CLCNKB: variants seen among roughly 807,000 people sequenced by gnomAD.
CLCNKB encodes chloride voltage-gated channel Kb.
Under a neutral mutation model 83.8 loss-of-function variants are expected in CLCNKB, and 74 were observed. That is an observed-to-expected ratio of 0.88 (90% CI 0.73 to 1.07). The LOEUF (loss-of-function observed/expected upper bound fraction) is 1.07, where lower values mean the gene tolerates loss of function less well. CLCNKB is among the 50% of genes least tolerant of loss of function. CLCNKB has a pLI of 0.00. For missense variants in CLCNKB, 798 were observed against 893.6 expected (o/e 0.89, Z 1.36); for synonymous variants, 358 against 356.6 (o/e 1.00, Z -0.04).
intron 15 of CLCNKB, among the ~76,000 whole-genome samples, chr1:16,053,217 G>A (rs1402730228): frequency 5.3e-5 from 8 of 152,076 alleles, no homozygotes; most frequent in South Asian, 2.1e-4. Context: ...TAGTGGAGAC[G>A]GGGTTTCACC....
In CLCNKB at chr1:16,048,891, C is replaced by T; in HGVS notation, c.656-229C>T. On this transcript the variant is annotated intron_variant, in intron 7 of 19. Transcript: ENST00000375679. ...ACAAAATGGAGATCGCAACCGTCCC[C>T]ACCCGATAGCGAGAGGGCGCACACC... 2.1e-6 allele frequency: 3 copies of T among 1,446,440 alleles called. 1 individual carries two copies. The South Asian group carries it at 4.4e-5, about 21-fold the overall frequency. 89.6% of individuals were successfully genotyped at this position (1,446,440 alleles called of 1,614,324 possible). A position where few individuals can be genotyped will look rare whatever the true frequency, so the allele number is the denominator to read the frequency against.
In CLCNKB at chr1:16,048,443, T is replaced by C. The variant is rs777675374; in HGVS notation, c.576+23T>C. ...GAGGTTAGGGACTCGGGGGCTTCCT[T>C]GGAGAAATGGGAGTGGGGAGGGAGG... is the stretch of plus-strand genomic sequence containing the variant. On this transcript the variant is annotated intron_variant, in intron 6 of 19. Transcript: ENST00000375679. The C allele has an allele frequency of 4.3e-6, 7 of 1,613,546 alleles. No individual in the cohort carries two copies. In the East Asian group the frequency reaches 1.3e-4, roughly 31 times the overall value.
At chr1:16,056,223 T>TGCGGCCCTGCCC (rs2023434332) in intron 18 of CLCNKB, among the ~76,000 whole-genome samples, 199 bp from the exon 19 acceptor site, 2 of 151,722 alleles carry the variant, frequency 1.3e-5, no homozygotes, top group Admixed American at 6.6e-5. Flanking sequence ...AGGTCCTGTT[T>TGCGGCCCTGCCC]ACCTGCGGCC....
At chr1:16,053,036 C>CG (rs112245096) in intron 15 of CLCNKB, among the ~76,000 whole-genome samples, 1 of 148,022 alleles carries the variant, frequency 6.8e-6, no homozygotes, top group Non-Finnish European at 1.5e-5. Context: ...GAGGCATATA[C>CG]TTTTTTTTTT....
chr1:16,046,147 C>T (rs1256616421), intron 3 of CLCNKB, among the ~76,000 whole-genome samples: 1 of 152,222 alleles, frequency 6.6e-6, no homozygotes, highest in Non-Finnish European at 1.5e-5. Flanking sequence ...CCCTCAGCTG[C>T]CAGAAGCAGC....
chr1:16,056,939 G>A lies in CLCNKB; in HGVS notation c.*23G>A. ...TGAGCCGGCCCAGCAAGATGAAACA[G>A]GGCACCCCAGCTGACCTGGTACTGA... On this transcript the variant is annotated 3_prime_UTR_variant, in exon 20 of 20. Coordinates refer to ENST00000375679, the MANE Select transcript of CLCNKB (RefSeq NM_000085.5). The A allele has an allele frequency of 3.7e-6, 6 of 1,607,390 alleles. No homozygotes were observed. In the South Asian group the frequency reaches 6.6e-5, roughly 18 times the overall value.
At chr1:16,050,370 A>G (rs2023248817) in intron 10 of CLCNKB, 146 bp from the exon 11 acceptor site, 2 of 859,994 alleles carry the variant, frequency 2.3e-6, no homozygotes, top group Admixed American at 3.9e-5. Context: ...GGCTGACCCC[A>G]CAGGTTCTGT....
intron 4 of CLCNKB, among the ~76,000 whole-genome samples, chr1:16,047,605 A>G (rs2023138873): frequency 6.6e-6 from 1 of 152,092 alleles, no homozygotes; most frequent in South Asian, 2.1e-4. Context: ...GCTAGACTCC[A>G]TCTCTTTAGA....
intron 8 of CLCNKB, 44 bp from the exon 9 acceptor site, chr1:16,049,574 G>C (rs377064245): frequency 6.8e-7 from 1 of 1,467,218 alleles, no homozygotes; most frequent in Non-Finnish European, 9.4e-7. Flanking sequence ...AGTTTGGGTC[G>C]GGTGGGAGCG....
intron 19 of CLCNKB, 106 bp from the exon 20 acceptor site, chr1:16,056,763 C>T: frequency 1.8e-6 from 2 of 1,089,006 alleles, no homozygotes; most frequent in Admixed American, 1.9e-5. Flanking sequence ...GGCACAGGCT[C>T]TACTATTTAC....
At position 16,047,971 on chromosome 1, in the gene CLCNKB, A is replaced by G; in HGVS notation, c.425A>G (p.Lys142Arg). 1 of 1,614,150 alleles carries G rather than the reference A, an allele frequency of 6.2e-7. No homozygotes were observed. Among genetic ancestry groups the G allele is most frequent in the South Asian group, 1.1e-5 (1 of 91,084 alleles). ...GTCTTGGAGGACTACCTGGATATCA[A>G]GAACTTTGGGGCCAAAGTGGTGGGC... ...GVVLEDYLDIKNFGAKVVGLS... is the reference protein window; with the variant it reads ...GVVLEDYLDIRNFGAKVVGLS... The change falls in exon 5 of 20, where the codon AAG becomes AGG. Residue 142 changes from lysine (K) to arginine (R), a missense_variant. Physicochemically the swap from Lys to Arg is conservative, Grantham distance 26. Transcript: ENST00000375679.
chr1:16,052,515 G>C, intron 15 of CLCNKB, 104 bp downstream of exon 15: 1 of 1,384,386 alleles, frequency 7.2e-7, no homozygotes, highest in African/African-American at 1.5e-5. Flanking sequence ...GCTGACCTCG[G>C]ACATGGGGGC....
chr1:16,047,812 C>T (rs765921260), intron 4 of CLCNKB, 93 bp from the exon 5 acceptor site: 12 of 1,408,780 alleles, frequency 8.5e-6, no homozygotes, highest in East Asian at 2.3e-5. Flanking sequence ...GCTGATCTGG[C>T]GAGATCGTAA....
chr1:16,053,943 G>T (rs2023370106), intron 16 of CLCNKB, among the ~76,000 whole-genome samples, 171 bp downstream of exon 16: 1 of 152,128 alleles, frequency 6.6e-6, no homozygotes. Context: ...CAGTAAAATG[G>T]AAATCATGGC....
chr1:16,045,711 C>T (rs1209997403), intron 3 of CLCNKB, 25 bp downstream of exon 3: 10 of 1,565,688 alleles, frequency 6.4e-6, no homozygotes, highest in Non-Finnish European at 8.7e-6. Flanking sequence ...GCAGGTGCTG[C>T]TCTGGGCCAA....
intron 18 of CLCNKB, 116 bp from the exon 19 acceptor site, chr1:16,056,306 T>C: frequency 9.4e-7 from 1 of 1,068,760 alleles, no homozygotes; most frequent in Non-Finnish European, 1.5e-6. Context: ...GGGTCTCTTG[T>C]CTCCCACACA....
At position 16,048,273 on chromosome 1, in the gene CLCNKB, C is replaced by T. The variant is rs2023163751; in HGVS notation, c.499-70C>T. 3.8e-6 allele frequency: 6 copies of T among 1,580,692 alleles called. No homozygotes were observed. The South Asian group carries it at 4.5e-5, about 12-fold the overall frequency. ...GGAGGAGGGGGTGTTGGGGGGAAGC[C>T]GTGCTGACTCTGGGTGAGACCGTCT... On this transcript the variant is annotated intron_variant, in intron 5 of 19. Coordinates refer to ENST00000375679, the MANE Select transcript of CLCNKB (RefSeq NM_000085.5).
At chr1:16,051,114 T>C in intron 12 of CLCNKB, 66 bp downstream of exon 12, 1 of 1,608,902 alleles carries the variant, frequency 6.2e-7, no homozygotes, top group East Asian at 2.2e-5. Context: ...GGGGGGTACC[T>C]CATCGCAGCT....
chr1:16,049,966 C>G, intron 10 of CLCNKB, 50 bp downstream of exon 10: 1 of 1,339,970 alleles, frequency 7.5e-7, no homozygotes, highest in Non-Finnish European at 1.0e-6. Context: ...TCCCCCCTCA[C>G]CGTACTCCCA....
Sources: allele counts gnomAD v4.1 joint callset (sites outside exome capture counted in the v4.1 genomes callset), GRCh38; gene constraint gnomAD v4.1.1; transcripts MANE v1.5; gene names NCBI Gene and HGNC (gene_info 2026-07-23, HGNC 2026-07-21).